Variants in GPS2 observed in about 807,000 individuals in gnomAD.
GPS2 encodes G protein pathway suppressor 2.
Under a neutral mutation model 48.1 loss-of-function variants are expected in GPS2, and 22 were observed. That is an observed-to-expected ratio of 0.46 (90% CI 0.33 to 0.65). The LOEUF is 0.65. GPS2 is among the 30% of genes least tolerant of loss of function. The probability of loss-of-function intolerance (pLI) is 0.03; values close to 1 mark genes in which losing one functional copy is unlikely to be tolerated. For missense variants in GPS2, 366 were observed against 406.8 expected (o/e 0.90, Z 0.86); for synonymous variants, 202 against 142.5 (o/e 1.42, Z -2.98).
At position 7,313,500 on chromosome 17, in the gene GPS2, T is replaced by A. The variant is rs201535834; in HGVS notation, c.635-31A>T. On this transcript the variant is annotated intron_variant, in intron 7 of 10. Transcript: ENST00000380728. ...AAAGGAAAAGACAGAGCCATTAAAA[T>A]CTTTTACTGAATGGCATTCCTCCTT... 3.1e-4 allele frequency: 497 copies of A among 1,613,694 alleles called. 1 individual carries two copies. The East Asian group carries it at 4.1e-3, about 13-fold the overall frequency.
At chr17:7,315,238 A>G in intron 1 of GPS2, 93 bp downstream of exon 1, 2 of 333,544 alleles carry the variant, frequency 6.0e-6, no homozygotes, top group Non-Finnish European at 1.1e-5. Flanking sequence ...CCGGGACCGC[A>G]GCCCCAGTCC....
Position 7,314,947 on chromosome 17 carries a change from GC to G in GPS2, c.94+11del, listed in dbSNP as rs1398865001. 2 of 1,565,934 alleles carry G rather than the reference GC, an allele frequency of 1.3e-6. No homozygotes were observed. The highest frequency in any genetic ancestry group is 1.4e-5 in the African/African-American group (1 of 73,582). On this transcript the variant is annotated intron_variant, in intron 2 of 10. Coordinates refer to ENST00000380728, the MANE Select transcript of GPS2 (RefSeq NM_004489.5). ...CTGGGCCGTGCGTCCCCCTGCTATG[GC>G]CCCGGCTCACCCTGCCGCTTGCGCT...
chr17:7,314,182 CAA>C (rs765288198), intron 4 of GPS2, 23 bp from the exon 5 acceptor site: 5 of 1,605,892 alleles, frequency 3.1e-6, no homozygotes, highest in Non-Finnish European at 4.3e-6. Context: ...GAAGACAGGT[CAA>C]AGTCAAGGAC....
At position 7,312,735 on chromosome 17, in the gene GPS2, G is replaced by C; in HGVS notation, c.*21C>G. 6.3e-7 allele frequency: 1 copy of C among 1,591,796 alleles called. No homozygotes were observed. Among genetic ancestry groups the C allele is most frequent in the Non-Finnish European group, 8.6e-7 (1 of 1,159,628 alleles). On this transcript the variant is annotated 3_prime_UTR_variant, in exon 11 of 11. Transcript: ENST00000380728. ...CCCACGATGGGGTGGGGGGTGTGGT[G>C]TTGAAGATATAATCTGATGGTCACT...
intron 4 of GPS2, 41 bp from the exon 5 acceptor site, chr17:7,314,200 C>T: frequency 5.0e-6 from 8 of 1,594,664 alleles, no homozygotes; most frequent in Admixed American, 1.7e-5. Flanking sequence ...AGGACAGATG[C>T]CTTCTCTTTT....
intron 9 of GPS2, 32 bp from the exon 10 acceptor site, chr17:7,313,156 A>G (rs376374058): frequency 1.9e-6 from 3 of 1,608,094 alleles, no homozygotes; most frequent in Non-Finnish European, 2.6e-6. Flanking sequence ...CCTGAGGCAT[A>G]CTGAAGCTCC....
Position 7,313,450 on chromosome 17 carries a change from T to C in GPS2, c.654A>G (p.Ala218=), listed in dbSNP as rs763123403. 4.3e-6 allele frequency: 7 copies of C among 1,614,200 alleles called. No homozygotes were observed. In the South Asian group the frequency reaches 5.5e-5, roughly 13 times the overall value. The change falls in exon 8 of 11, where the codon GCA becomes GCG. Residue 218 remains alanine (A), a synonymous_variant. Transcript: ENST00000380728. ...QQLRAPSAFP[A]VQYLSQPQPQ... ...GCTGTGGCTGAGATAGGTACTGCAC[T>C]GCAGGGAATGCCGAAGGAGCTGAGA...
In GPS2 at chr17:7,313,612, T is replaced by C. The variant is rs2072894725; in HGVS notation, c.590A>G (p.Tyr197Cys). The C allele has an allele frequency of 6.2e-7, 1 of 1,613,824 alleles. No individual in the cohort carries two copies. The highest frequency in any genetic ancestry group is 1.3e-5 in the African/African-American group (1 of 74,850). ...ACTATAAGCTGGCTGTGTGGGCCCA[T>C]AGTGAGGTGGGGGCTGAGCAGTCCC... ...AYGTAQPPPHYGPTQPAYSPS... is the reference protein window; with the variant it reads ...AYGTAQPPPHCGPTQPAYSPS... Residue 197 changes from tyrosine to cysteine, a missense_variant, in exon 7 of 11, where the codon TAT becomes TGT. By Grantham distance (194) the Tyr-to-Cys change is radical. Coordinates refer to ENST00000380728, the MANE Select transcript of GPS2 (RefSeq NM_004489.5).
rs2292064 is a variant in GPS2, at chr17:7,314,144, T to C, written c.333A>G (p.Leu111=). The C allele has an allele frequency of 0.54, 871,613 of 1,612,252 alleles. 238,538 individuals are homozygous for C. Among genetic ancestry groups the C allele is most frequent in the East Asian group, 0.68 (30,406 of 44,858 alleles). ...RRKEQSDLTT[L]TSAAYQQSLT... ...GGCTCTGCTGGTATGCAGCTGATGT[T>C]AGGGTGGTCAGGTCACTGGAGTGAA... The change falls in exon 5 of 11, where the codon CTA becomes CTG. Residue 111 remains leucine (L), a synonymous_variant. Coordinates refer to ENST00000380728, the MANE Select transcript of GPS2 (RefSeq NM_004489.5).
At chr17:7,314,931 G>T (rs937152617) in intron 2 of GPS2, 28 bp downstream of exon 2, 26 of 1,556,858 alleles carry the variant, frequency 1.7e-5, no homozygotes, top group Non-Finnish European at 2.2e-5. Flanking sequence ...TCTGGGCCGT[G>T]CGTCCCCCTG....
Position 7,313,937 on chromosome 17 carries a change from G to A in GPS2, c.449C>T (p.Ala150Val), listed in dbSNP as rs916471350. 1 of 1,614,080 alleles carries A rather than the reference G, an allele frequency of 6.2e-7. No individual in the cohort carries two copies. The highest frequency in any genetic ancestry group is 8.5e-7 in the Non-Finnish European group (1 of 1,179,978). ...CACTTGGGGTCCAAACATTTGTTTG[G>A]CTCTGTCAGCTGCCATGAGGGTGCC... ...RPGTLMAADR[A>V]KQMFGPQVLT... The change falls in exon 6 of 11, where the codon GCC becomes GTC. Residue 150 changes from alanine (A) to valine (V), a missense_variant. Coordinates refer to ENST00000380728, the MANE Select transcript of GPS2 (RefSeq NM_004489.5).
In GPS2 at chr17:7,314,178, AG is replaced by A. The variant is rs3215130; in HGVS notation, c.318-20del. On this transcript the variant is annotated intron_variant, in intron 4 of 10. Coordinates refer to ENST00000380728, the MANE Select transcript of GPS2 (RefSeq NM_004489.5). ...CAGGTCACTGGAGTGAAAGGAAGAC[AG>A]GTCAAAGTCAAGGACAGATGCCTTC... The A allele has an allele frequency of 0.06, 95,752 of 1,608,086 alleles. 3,796 individuals are homozygous for A. The highest frequency in any genetic ancestry group is 0.17 in the East Asian group (7,715 of 44,846).
chr17:7,313,099 TG>T lies in GPS2; in HGVS notation c.829del (p.Gln277ArgfsTer68). On this transcript the variant is annotated frameshift_variant, in exon 10 of 11. Coordinates refer to ENST00000380728, the MANE Select transcript of GPS2 (RefSeq NM_004489.5). LOFTEE classifies it high-confidence loss of function. ...GAGTCCAGGGGCTGGATGCAGAGCC[TG>T]GGGGTGCATGGGGCGCAGAGAGGAC... The part of the protein sequence containing the change: ...DSSSLRPMHP[Q>X]ALHPAPGLLA... The T allele has an allele frequency of 6.3e-7, 1 of 1,584,852 alleles. No individual in the cohort carries two copies. Among genetic ancestry groups the T allele is most frequent in the South Asian group, 1.1e-5 (1 of 87,016 alleles).
At chr17:7,312,991 T>A (rs1427820015) in intron 10 of GPS2, 38 bp downstream of exon 10, 1 of 1,506,456 alleles carries the variant, frequency 6.6e-7, no homozygotes, top group Non-Finnish European at 9.1e-7. Context: ...ATCCCTAGTG[T>A]AGGGATTCTG....
chr17:7,313,005 G>T, intron 10 of GPS2, 24 bp downstream of exon 10: 1 of 1,526,598 alleles, frequency 6.6e-7, no homozygotes, highest in Non-Finnish European at 8.9e-7. Flanking sequence ...GATTCTGACA[G>T]GTAAATTCTA....
At position 7,312,695 on chromosome 17, in the gene GPS2, C is replaced by G. The variant is rs574300589; in HGVS notation, c.*61G>C. On this transcript the variant is annotated 3_prime_UTR_variant, in exon 11 of 11. Transcript: ENST00000380728. ...GTAGATTTTATTGGCCTGGGACACA[C>G]AGGGGATACCCTCACCCACGATGGG... The G allele has an allele frequency of 5.3e-6, 7 of 1,325,886 alleles. No individual in the cohort carries two copies. Among genetic ancestry groups the G allele is most frequent in the African/African-American group, 2.9e-5 (2 of 69,476 alleles). The allele number at this position is 1,325,886 out of a possible 1,614,324, so 82.1% of individuals were successfully genotyped here.
intron 8 of GPS2, 42 bp downstream of exon 8, chr17:7,313,338 G>T (rs1307402656): frequency 1.2e-6 from 2 of 1,610,966 alleles, no homozygotes; most frequent in Middle Eastern, 1.7e-4. Context: ...AACAGGGAGG[G>T]GAGGACCTGA....
Position 7,313,135 on chromosome 17 carries a change from C to CA in GPS2, c.805-12dup. On this transcript the variant is annotated splice_polypyrimidine_tract_variant and intron_variant, in intron 9 of 10. Coordinates refer to ENST00000380728, the MANE Select transcript of GPS2 (RefSeq NM_004489.5). ...GGGGCGCAGAGAGGACTGCAGAGAACAGAGTCAGGGCCTGAGGCATACTGA... is the reference window on the plus strand; with the variant it reads ...GGGGCGCAGAGAGGACTGCAGAGAACAAGAGTCAGGGCCTGAGGCATACTGA... The CA allele has an allele frequency of 1.2e-6, 2 of 1,607,960 alleles. No individual in the cohort carries two copies. Among genetic ancestry groups the CA allele is most frequent in the African/African-American group, 1.3e-5 (1 of 74,928 alleles).
intron 6 of GPS2, 58 bp from the exon 7 acceptor site, chr17:7,313,779 C>CG: frequency 6.3e-7 from 1 of 1,597,964 alleles, no homozygotes; most frequent in Non-Finnish European, 8.6e-7. Context: ...AACCCAGTGA[C>CG]TTGTGTGTAT....
Sources: allele counts gnomAD v4.1 joint callset, GRCh38; gene constraint gnomAD v4.1.1; transcripts MANE v1.5; gene names NCBI Gene and HGNC (gene_info 2026-07-23, HGNC 2026-07-21).